NUDC: variants seen among roughly 807,000 people sequenced by gnomAD.
The protein encoded by NUDC is nuclear distribution C, dynein complex regulator.
Under a neutral mutation model 45.0 loss-of-function variants are expected in NUDC, and 14 were observed. That is an observed-to-expected ratio of 0.31 (90% CI 0.21 to 0.49). NUDC has a LOEUF of 0.49. Among genes scored for constraint, NUDC ranks in the 20% least tolerant of loss-of-function variants. The pLI is 0.99. For synonymous variants in NUDC, 153 were observed against 156.7 expected (o/e 0.98, Z 0.17); for missense variants, 323 against 426.2 (o/e 0.76, Z 2.13).
intron 2 of NUDC, among the ~76,000 whole-genome samples, chr1:26,926,179 C>T (rs1248553754): frequency 2.0e-5 from 3 of 152,158 alleles, no homozygotes; most frequent in East Asian, 1.9e-4. Flanking sequence ...CCACGCCCGG[C>T]GCCATTATCT....
intron 2 of NUDC, among the ~76,000 whole-genome samples, chr1:26,903,663 T>C (rs1245909098): frequency 3.3e-5 from 5 of 151,680 alleles, no homozygotes; most frequent in Non-Finnish European, 4.4e-5. Context: ...AGGCCAGGAG[T>C]TGGAGACCAG....
intron 3 of NUDC, among the ~76,000 whole-genome samples, chr1:26,914,928 C>T (rs908671809): frequency 1.3e-5 from 2 of 151,590 alleles, no homozygotes; most frequent in African/African-American, 2.4e-5. Flanking sequence ...GATCATGCCA[C>T]TGCTCTCCAG....
At chr1:26,913,494 AAGCCACTGCACCGC>A (rs2082040740) in intron 3 of NUDC, 1 of 1,613,686 alleles carries the variant, frequency 6.2e-7, no homozygotes, top group South Asian at 1.1e-5. Flanking sequence ...GACAGCATTG[AAGCCACTGCACCGC>A]AGCCAGGGAG....
At chr1:26,942,818 TG>T (rs752670310) in intron 5 of NUDC, 42 bp downstream of exon 5, 1 of 1,614,104 alleles carries the variant, frequency 6.2e-7, no homozygotes, top group South Asian at 1.1e-5. Flanking sequence ...GGGGCCAGCC[TG>T]GGGTACCAGC....
chr1:26,913,011 G>A (rs550284187), intron 3 of NUDC, among the ~76,000 whole-genome samples: 11 of 152,286 alleles, frequency 7.2e-5, no homozygotes, highest in African/African-American at 2.6e-4. Flanking sequence ...GGCCAAGCAC[G>A]GTGGCTCACG....
chr1:26,901,356 G>A (rs2081977684), intron 1 of NUDC, among the ~76,000 whole-genome samples: 1 of 138,296 alleles, frequency 7.2e-6, no homozygotes. Flanking sequence ...CTCCCAAAGT[G>A]TTAGGATTAC....
At chr1:26,923,131 G>C (rs547506892) in intron 1 of NUDC, among the ~76,000 whole-genome samples, 1 of 152,214 alleles carries the variant, frequency 6.6e-6, no homozygotes, top group South Asian at 2.1e-4. Context: ...GCCATATCTG[G>C]TGCCCAGCAT....
intron 3 of NUDC, chr1:26,911,861 A>G (rs2082028649): frequency 6.2e-7 from 1 of 1,614,204 alleles, no homozygotes. Context: ...GAGCAAAAGC[A>G]TGTCCCCAAG....
intron 2 of NUDC, among the ~76,000 whole-genome samples, chr1:26,936,145 A>ATATATATATATATATAT (rs2082228890): frequency 2.3e-4 from 1 of 4,338 alleles, no homozygotes; most frequent in Non-Finnish European, 4.6e-4. Flanking sequence ...ATATATATAT[A>ATATATATATATATATAT]TATATATATA....
chr1:26,910,053 C>T (rs1267094919), intron 2 of NUDC, among the ~76,000 whole-genome samples: 1 of 152,154 alleles, frequency 6.6e-6, no homozygotes, highest in East Asian at 1.9e-4. Context: ...GGTCTGCCTA[C>T]TTAGGGGGCC....
In NUDC at chr1:26,934,797, A is replaced by G. The variant is rs371647311; in HGVS notation, c.160-6660A>G. On this transcript the variant is annotated intron_variant, in intron 2 of 8. Transcript: ENST00000321265. Reference sequence around the variant, plus strand: ...GCCTCAGCCTCCAGTAGCTGGGACTACAGGCACCCCCCACCATGCCCGGCT... The same window carrying G: ...GCCTCAGCCTCCAGTAGCTGGGACTGCAGGCACCCCCCACCATGCCCGGCT... Among the ~76,000 whole-genome samples the G allele has an allele frequency of 1.2e-4, 18 of 148,872 alleles. No individual in the cohort carries two copies. In the East Asian group the frequency reaches 3.7e-3, roughly 30 times the overall value.
At chr1:26,918,217 T>C (rs1262014666), upstream of NUDC, among the ~76,000 whole-genome samples, 1 of 150,860 alleles carries the variant, frequency 6.6e-6, no homozygotes, top group Non-Finnish European at 1.5e-5. Flanking sequence ...ATCCCCCAGC[T>C]GCTGGAGCGC....
chr1:26,923,883 G>A (rs533419002), intron 1 of NUDC, among the ~76,000 whole-genome samples: 13 of 152,104 alleles, frequency 8.5e-5, no homozygotes, highest in East Asian at 1.9e-4. Flanking sequence ...AGTGAAAGGC[G>A]CACACACACA....
At chr1:26,930,198 G>A (rs748512398) in intron 2 of NUDC, among the ~76,000 whole-genome samples, 12 of 152,228 alleles carry the variant, frequency 7.9e-5, no homozygotes, top group African/African-American at 1.9e-4. Flanking sequence ...ACAGGGTCTC[G>A]CTCTGCTGCC....
chr1:26,932,960 TCA>T (rs71582822), intron 2 of NUDC, among the ~76,000 whole-genome samples: 10,161 of 152,176 alleles, frequency 0.067, 371 homozygotes, highest in Non-Finnish European at 0.078. Flanking sequence ...TATGTATATA[TCA>T]CAATTTTTTT....
chr1:26,925,445 CAGG>C (rs2082123561), intron 2 of NUDC, among the ~76,000 whole-genome samples: 1 of 140,580 alleles, frequency 7.1e-6, no homozygotes, highest in African/African-American at 2.7e-5. Flanking sequence ...GAGGCTGAGG[CAGG>C]AGAATGGCGT....
At position 26,900,326 on chromosome 1, in the gene NUDC, C is replaced by G. The variant is rs141882168; in HGVS notation, c.-175C>G. 107 of 1,614,052 alleles carry G rather than the reference C, an allele frequency of 6.6e-5. No individual in the cohort carries two copies. The African/African-American group carries it at 1.1e-3, about 17-fold the overall frequency. On this transcript the variant is annotated 5_prime_UTR_variant, in exon 1 of 7. Transcript: ENST00000435827. Reference sequence around the variant, plus strand: ...GGAAACAGAGGAAGCCACCGCCGCGCTCTTCTCGGAACTGGCTAAAATAGC... The same window carrying G: ...GGAAACAGAGGAAGCCACCGCCGCGGTCTTCTCGGAACTGGCTAAAATAGC...
chr1:26,931,228 C>T (rs2082180752), intron 2 of NUDC, among the ~76,000 whole-genome samples: 2 of 149,868 alleles, frequency 1.3e-5, no homozygotes. Flanking sequence ...CAGGCGTGTG[C>T]CACCACGCCT....
At chr1:26,920,782 A>AC (rs1043225862), upstream of NUDC, among the ~76,000 whole-genome samples, 11 of 151,694 alleles carry the variant, frequency 7.3e-5, no homozygotes, top group African/African-American at 2.4e-4. Flanking sequence ...AAAACAAAAA[A>AC]AAAAAAACAG....
Sources: allele counts gnomAD v4.1 joint callset (sites outside exome capture counted in the v4.1 genomes callset), GRCh38; gene constraint gnomAD v4.1.1; transcripts MANE v1.5; gene names NCBI Gene and HGNC (gene_info 2026-07-23, HGNC 2026-07-21).